Variants in MEG3 observed in about 807,000 individuals in gnomAD.
MEG3 encodes the protein maternally expressed 3, also known as Very putative protein from MEG3 locus.
chr14:100,843,607 T>G (rs1205553217), intron 2 of MEG3, among the ~76,000 whole-genome samples: 3 of 152,146 alleles, frequency 2.0e-5, no homozygotes, highest in Non-Finnish European at 4.4e-5. Flanking sequence ...AAGGAGATTT[T>G]AGGAAGATTT....
At chr14:100,834,588 G>A (rs1050225402) in exon 1 of MEG3, 21 of 422,952 alleles carry the variant, frequency 5.0e-5, no homozygotes, top group African/African-American at 3.7e-4. Flanking sequence ...CTTCTTCCTC[G>A]TCTTCCTCTC....
chr14:100,841,439 CA>C (rs1283385885), intron 2 of MEG3, among the ~76,000 whole-genome samples: 1 of 152,222 alleles, frequency 6.6e-6, no homozygotes, highest in African/African-American at 2.4e-5. Flanking sequence ...CCCTGGAGGT[CA>C]TCTGTCGTTT....
intron 2 of MEG3, among the ~76,000 whole-genome samples, chr14:100,840,680 C>T (rs1013815539): frequency 1.3e-5 from 2 of 152,164 alleles, no homozygotes; most frequent in African/African-American, 4.8e-5. Context: ...TGCTCACGCT[C>T]TTAGATTCTA....
Position 100,836,282 on chromosome 14 carries a change from G to A in MEG3, n.3027G>A, listed in dbSNP as rs143700364. ...AAGTCTTCTTCCTGGCGGGCCTCTCGTCTCCTTCCTGGTTTGGGGTGAGTT... is the reference window on the plus strand; with the variant it reads ...AAGTCTTCTTCCTGGCGGGCCTCTCATCTCCTTCCTGGTTTGGGGTGAGTT... On this transcript the variant is annotated non_coding_transcript_exon_variant, in exon 2 of 4. Transcript: ENST00000398461. 3.0e-4 allele frequency: 136 copies of A among 456,532 alleles called. 1 individual carries two copies. Among genetic ancestry groups the A allele is most frequent in the African/African-American group, 2.3e-3 (113 of 50,176 alleles). The allele number at this position is 456,532 out of a possible 1,614,324, so 28.3% of individuals were successfully genotyped here.
intron 2 of MEG3, among the ~76,000 whole-genome samples, chr14:100,844,332 CT>C (rs1211033511): frequency 6.6e-6 from 1 of 152,208 alleles, no homozygotes; most frequent in Non-Finnish European, 1.5e-5. Flanking sequence ...GGCCCAGCCC[CT>C]GGCTGCCCTA....
chr14:100,850,005 A>T (rs899365158), intron 3 of MEG3: 10 of 152,264 alleles, frequency 6.6e-5, no homozygotes, highest in Admixed American at 2.6e-4. Flanking sequence ...GATGCAATTG[A>T]GGTTCATAAA....
At chr14:100,842,591 T>C (rs1438330032) in intron 2 of MEG3, among the ~76,000 whole-genome samples, 1 of 152,216 alleles carries the variant, frequency 6.6e-6, no homozygotes, top group African/African-American at 2.4e-5. Context: ...GTACGAGATC[T>C]GAGGCAAGAC....
At chr14:100,834,630 A>C (rs1399674105) in exon 1 of MEG3, 1 of 452,718 alleles carries the variant, frequency 2.2e-6, no homozygotes, top group African/African-American at 2.0e-5. Context: ...GTCCCTCCCC[A>C]GTTCCTGACC....
chr14:100,852,817 T>G (rs944065163), upstream of MEG3: 18 of 202,382 alleles, frequency 8.9e-5, no homozygotes, highest in African/African-American at 4.2e-4. Context: ...GCTCCCAACA[T>G]CTAGGGGCTG....
intron 2 of MEG3, chr14:100,828,959 T>C: frequency 6.6e-6 from 1 of 152,190 alleles, no homozygotes; most frequent in South Asian, 2.1e-4. Flanking sequence ...TTAATTGTAA[T>C]TAATGAACTT....
downstream of MEG3, chr14:100,833,403 G>A (rs1314738986): frequency 4.6e-5 from 7 of 152,192 alleles, no homozygotes; most frequent in Admixed American, 3.9e-4. Flanking sequence ...GGGATTACAG[G>A]CGCCCACCAC....
chr14:100,827,373 T>G (rs2037269608), intron 1 of MEG3: 1 of 151,554 alleles, frequency 6.6e-6, no homozygotes. Flanking sequence ...GTTCTCCTGA[T>G]GGAGGGGGTC....
intron 1 of MEG3, chr14:100,860,695 C>G (rs1473783128): frequency 2.2e-6 from 1 of 456,578 alleles, no homozygotes; most frequent in African/African-American, 2.0e-5. Flanking sequence ...TCTCAGCCTC[C>G]ACAGCCACGG....
chr14:100,843,582 A>G (rs1191655645), intron 2 of MEG3, among the ~76,000 whole-genome samples: 1 of 152,174 alleles, frequency 6.6e-6, no homozygotes, highest in Non-Finnish European at 1.5e-5. Flanking sequence ...GGGTTTATGA[A>G]GGGCAAGGCC....
chr14:100,860,556 T>G (rs1406134796), intron 1 of MEG3: 1 of 431,402 alleles, frequency 2.3e-6, no homozygotes, highest in Non-Finnish European at 4.7e-6. Context: ...TCACCCTCCA[T>G]GCTGCTAGGA....
chr14:100,852,892 C>A (rs541177092), upstream of MEG3: 41 of 157,072 alleles, frequency 2.6e-4, no homozygotes, highest in South Asian at 7.5e-3. Flanking sequence ...CCCACTGGTG[C>A]CCTGGAGGCT....
exon 1 of MEG3, chr14:100,857,435 G>A (rs1242769172): frequency 6.6e-6 from 1 of 152,244 alleles, no homozygotes; most frequent in African/African-American, 2.4e-5. Flanking sequence ...CCCTGGGAAT[G>A]GGCATATGTT....
intron 3 of MEG3, chr14:100,848,994 C>T (rs1056900994): frequency 6.6e-6 from 1 of 152,046 alleles, no homozygotes; most frequent in African/African-American, 2.4e-5. Context: ...AGAGGAGTGA[C>T]CTGAATAGAA....
rs891372892 is a variant in MEG3 at position 100,845,188 on chromosome 14, C to G, written n.3046-270C>G. Reference sequence around the variant, plus strand: ...CAGGGTCCTAAGCCTTTGGGTCCCACAGAGCACGACTTCGCTCCGTGAACA... The same window carrying G: ...CAGGGTCCTAAGCCTTTGGGTCCCAGAGAGCACGACTTCGCTCCGTGAACA... On this transcript the variant is annotated intron_variant and non_coding_transcript_variant, in intron 2 of 3. Transcript: ENST00000398461. This position sits in a 1 kb window ranked among gnomAD's most constrained non-coding sequence, Gnocchi z 5.2. Among the ~76,000 whole-genome samples, 2 of 152,230 alleles carry G rather than the reference C, an allele frequency of 1.3e-5. No homozygotes were observed. Among genetic ancestry groups the G allele is most frequent in the Middle Eastern group, 3.2e-3 (1 of 316 alleles).
Sources: gnomAD v4.1 joint callset for allele counts (sites outside exome capture counted in the v4.1 genomes callset) on GRCh38, gnomAD v4.1.1 for gene constraint, Gnocchi (gnomAD v3.1) non-coding constraint, MANE v1.5 for transcripts, NCBI Gene and HGNC (gene_info 2026-07-23, HGNC 2026-07-21) for gene names.